STAT4: variants seen among roughly 807,000 people sequenced by gnomAD.
STAT4 encodes the protein signal transducer and activator of transcription 4.
Under a neutral mutation model 110.5 loss-of-function variants are expected in STAT4, and 42 were observed. That is an observed-to-expected ratio of 0.38 (90% CI 0.30 to 0.49). The LOEUF (loss-of-function observed/expected upper bound fraction) is 0.49, where lower values mean the gene tolerates loss of function less well. Ranked by LOEUF, STAT4 falls within the 20% of genes least tolerant of loss-of-function variation. The pLI, the probability that STAT4 is intolerant of heterozygous loss-of-function variation, is 0.95. For synonymous variants in STAT4, 284 were observed against 302.2 expected, an observed-to-expected ratio of 0.94 and a Z score of 0.63; for missense variants, 632 against 887.9, an observed-to-expected ratio of 0.71 and a Z score of 3.66.
intron 3 of STAT4, among the ~76,000 whole-genome samples, chr2:191,084,292 C>T (rs1170591251): frequency 1.3e-5 from 2 of 151,652 alleles, no homozygotes; most frequent in South Asian, 4.2e-4. Context: ...TTTTTTCTGA[C>T]ACTTGCTTAA....
intron 3 of STAT4, among the ~76,000 whole-genome samples, chr2:191,129,068 T>G (rs775960560): frequency 2.0e-5 from 3 of 152,172 alleles, no homozygotes; most frequent in Non-Finnish European, 4.4e-5. Context: ...GCTTAAAATG[T>G]GATTGATAAC....
chr2:191,149,010 C>T (rs1223327314), intron 1 of STAT4, among the ~76,000 whole-genome samples: 1 of 152,184 alleles, frequency 6.6e-6, no homozygotes, highest in Non-Finnish European at 1.5e-5. Context: ...GCATTTCCCC[C>T]TTGTAACCCC....
intron 14 of STAT4, among the ~76,000 whole-genome samples, chr2:191,044,783 TG>T (rs1696302663): frequency 6.6e-6 from 1 of 152,316 alleles, no homozygotes; most frequent in South Asian, 2.1e-4. Context: ...AACTCATAGA[TG>T]GACATGTTTG....
At chr2:191,079,865 T>G (rs1330026020) in intron 3 of STAT4, among the ~76,000 whole-genome samples, 1 of 152,142 alleles carries the variant, frequency 6.6e-6, no homozygotes, top group Non-Finnish European at 1.5e-5. Flanking sequence ...ATTAATATCT[T>G]GTAAATGTTT....
rs770183893 is a variant in STAT4, at chr2:191,033,883, C to G, written c.1715+28G>C. 11 of 1,523,014 alleles carry G rather than the reference C, an allele frequency of 7.2e-6. No individual in the cohort carries two copies. The African/African-American group carries it at 1.5e-4, about 21-fold the overall frequency. 94.3% of individuals were successfully genotyped at this position (1,523,014 alleles called of 1,614,324 possible). A position where few individuals can be genotyped will look rare whatever the true frequency, so the allele number is the denominator to read the frequency against. On this transcript the variant is annotated intron_variant, in intron 19 of 23. Coordinates refer to ENST00000392320, the MANE Select transcript of STAT4 (RefSeq NM_003151.4). This position sits in a 1 kb window ranked among gnomAD's most constrained non-coding sequence, Gnocchi z 6.9. Reference sequence around the variant, plus strand: ...ACAGAAAAAAAGAACATAATTAACTCATATGAAAAATATAGCCTATAACTT... The same window carrying G: ...ACAGAAAAAAAGAACATAATTAACTGATATGAAAAATATAGCCTATAACTT...
At position 191,110,062 on chromosome 2, in the gene STAT4, C is replaced by T. The variant is rs1698384442; in HGVS notation, c.274-33737G>A. Among the ~76,000 whole-genome samples the T allele has an allele frequency of 6.6e-6, 1 of 152,152 alleles. No individual in the cohort carries two copies. On this transcript the variant is annotated intron_variant, in intron 3 of 23. Coordinates refer to ENST00000392320, the MANE Select transcript of STAT4 (RefSeq NM_003151.4). The surrounding 1 kb of genome is among the most constrained non-coding windows in gnomAD (Gnocchi z 4.5). ...GAGTTGTCACCTCCCACCTAGGATCCAACCACTGCACCTTCCACAGGGCCC... is the reference window on the plus strand; with the variant it reads ...GAGTTGTCACCTCCCACCTAGGATCTAACCACTGCACCTTCCACAGGGCCC...
At chr2:191,098,452 T>C (rs1698067104) in intron 3 of STAT4, among the ~76,000 whole-genome samples, 1 of 152,230 alleles carries the variant, frequency 6.6e-6, no homozygotes, top group Admixed American at 6.5e-5. Context: ...GATGAGTTCA[T>C]GTCCTTTGCA....
At position 191,090,273 on chromosome 2, in the gene STAT4, T is replaced by A. The variant is rs1003740654; in HGVS notation, c.274-13948A>T. ...TCTGAAATTGTCTTACTAAAAAGTTTCAGTTCTCATATGCCCTCCTTATGC... is the reference window on the plus strand; with the variant it reads ...TCTGAAATTGTCTTACTAAAAAGTTACAGTTCTCATATGCCCTCCTTATGC... On this transcript the variant is annotated intron_variant, in intron 3 of 23. Coordinates refer to ENST00000392320, the MANE Select transcript of STAT4 (RefSeq NM_003151.4). The surrounding 1 kb of genome is among the most constrained non-coding windows in gnomAD (Gnocchi z 4.2). Among the ~76,000 whole-genome samples the A allele has an allele frequency of 6.6e-6, 1 of 152,114 alleles. No homozygotes were observed. Among genetic ancestry groups the A allele is most frequent in the Non-Finnish European group, 1.5e-5 (1 of 68,028 alleles).
intron 3 of STAT4, among the ~76,000 whole-genome samples, chr2:191,105,646 T>C (rs1411039968): frequency 1.2e-4 from 19 of 152,182 alleles, no homozygotes; most frequent in Admixed American, 1.2e-3. Flanking sequence ...TTGGTAACAT[T>C]TTAATATATT....
chr2:191,042,860 A>G lies in STAT4; in HGVS notation c.1252-1712T>C, dbSNP rs1487024875. ...AGTGGCACAATCTCGGCTCACTGCA[A>G]CCTCCGCCTCCTGGGTCCAAGTGAT... On this transcript the variant is annotated intron_variant, in intron 14 of 23. Transcript: ENST00000392320. This position sits in a 1 kb window ranked among gnomAD's most constrained non-coding sequence, Gnocchi z 4.2. Among the ~76,000 whole-genome samples the G allele has an allele frequency of 2.0e-5, 3 of 151,776 alleles. No homozygotes were observed. Among genetic ancestry groups the G allele is most frequent in the Non-Finnish European group, 4.4e-5 (3 of 67,960 alleles).
At chr2:191,049,351 AT>A (rs1309367297) in intron 14 of STAT4, among the ~76,000 whole-genome samples, 30 of 151,456 alleles carry the variant, frequency 2.0e-4, no homozygotes, top group Admixed American at 5.9e-4. Flanking sequence ...AATTTTTTGT[AT>A]TTTTTAGTAG....
chr2:191,071,193 T>C (rs888140002), intron 5 of STAT4, among the ~76,000 whole-genome samples: 2 of 152,182 alleles, frequency 1.3e-5, no homozygotes, highest in Non-Finnish European at 2.9e-5. Context: ...TTTCCATTTT[T>C]CATGTGAGGA....
Position 191,083,173 on chromosome 2 carries a change from T to A in STAT4, c.274-6848A>T, listed in dbSNP as rs1473836805. ...CTTGAGACAAGGATTCCAGTGCAAG[T>A]CGTTTAAGTGGGAGTTGGTCCCACA... On this transcript the variant is annotated intron_variant, in intron 3 of 23. Transcript: ENST00000392320. The surrounding 1 kb of genome is among the most constrained non-coding windows in gnomAD (Gnocchi z 4.6). Among the ~76,000 whole-genome samples the A allele has an allele frequency of 6.6e-6, 1 of 152,170 alleles. No homozygotes were observed. The highest frequency in any genetic ancestry group is 6.6e-5 in the Admixed American group (1 of 15,260).
rs1282801873 is a variant in STAT4, at chr2:191,064,895, T to C, written c.694A>G (p.Ile232Val). ...ETDLLMNTML[I>V]EELQDWKRRQ... The stretch of plus-strand genomic sequence containing the variant: ...CGCTTCCAGTCTTGCAGCTCTTCTA[T>C]GAGCATGGTGTTCATTAACAGGTCT... The change falls in exon 8 of 24, where the codon ATA becomes GTA. Residue 232 changes from isoleucine to valine, a missense_variant. Transcript: ENST00000392320. 2 of 1,613,336 alleles carry C rather than the reference T, an allele frequency of 1.2e-6. No individual in the cohort carries two copies. Among genetic ancestry groups the C allele is most frequent in the Non-Finnish European group, 1.7e-6 (2 of 1,179,578 alleles).
In STAT4 at chr2:191,090,141, G is replaced by C. The variant is rs893855603; in HGVS notation, c.274-13816C>G. On this transcript the variant is annotated intron_variant, in intron 3 of 23. Coordinates refer to ENST00000392320, the MANE Select transcript of STAT4 (RefSeq NM_003151.4). This position sits in a 1 kb window ranked among gnomAD's most constrained non-coding sequence, Gnocchi z 4.2. ...TAAGATATAGGAGAAACTGGTGAGGGGTGTGAGAAGGAGACTAAGGGAGTA... is the reference window on the plus strand; with the variant it reads ...TAAGATATAGGAGAAACTGGTGAGGCGTGTGAGAAGGAGACTAAGGGAGTA... Among the ~76,000 whole-genome samples the C allele has an allele frequency of 6.6e-6, 1 of 151,988 alleles. No homozygotes were observed. The highest frequency in any genetic ancestry group is 6.6e-5 in the Admixed American group (1 of 15,258).
intron 4 of STAT4, among the ~76,000 whole-genome samples, chr2:191,073,743 A>G (rs974544065): frequency 5.9e-5 from 9 of 152,252 alleles, no homozygotes; most frequent in African/African-American, 1.7e-4. Flanking sequence ...ACATATATAT[A>G]TGATCTCTAT....
rs561313744 is a variant in STAT4, at chr2:191,142,015, T to C, written c.273+4598A>G. Among the ~76,000 whole-genome samples the C allele has an allele frequency of 1.3e-5, 2 of 152,174 alleles. No individual in the cohort carries two copies. Among genetic ancestry groups the C allele is most frequent in the Non-Finnish European group, 2.9e-5 (2 of 68,010 alleles). ...TAAATTAATACAACCAGTATGGAAA[T>C]GTCTCAAAAAACTAAAAATATAACT... On this transcript the variant is annotated intron_variant, in intron 3 of 23. Coordinates refer to ENST00000392320, the MANE Select transcript of STAT4 (RefSeq NM_003151.4). The surrounding 1 kb of genome is among the most constrained non-coding windows in gnomAD (Gnocchi z 4.1).
Position 191,031,105 on chromosome 2 carries a change from T to A in STAT4, c.2112-25A>T. 1 of 1,605,254 alleles carries A rather than the reference T, an allele frequency of 6.2e-7. No homozygotes were observed. On this transcript the variant is annotated intron_variant, in intron 22 of 23. Coordinates refer to ENST00000392320, the MANE Select transcript of STAT4 (RefSeq NM_003151.4). This position sits in a 1 kb window ranked among gnomAD's most constrained non-coding sequence, Gnocchi z 4.8. ...GCTTAAAGAGATAACAAGGTCAATA[T>A]GGACAAGGATTAAAAAATAATAATA...
rs909816919 is a variant in STAT4, at chr2:191,086,557, A to T, written c.274-10232T>A. 6.6e-6 allele frequency among the ~76,000 whole-genome samples: 1 copy of T among 152,180 alleles called. No individual in the cohort carries two copies. Among genetic ancestry groups the T allele is most frequent in the Non-Finnish European group, 1.5e-5 (1 of 68,024 alleles). On this transcript the variant is annotated intron_variant, in intron 3 of 23. Transcript: ENST00000392320. The surrounding 1 kb of genome is among the most constrained non-coding windows in gnomAD (Gnocchi z 5.5). ...GTGCAAATAAATTACTCCTGCTATGATGTTGTCTTTAGTAAAATTGGGGGA... is the reference window on the plus strand; with the variant it reads ...GTGCAAATAAATTACTCCTGCTATGTTGTTGTCTTTAGTAAAATTGGGGGA...
Sources: allele counts gnomAD v4.1 joint callset (sites outside exome capture counted in the v4.1 genomes callset), GRCh38; gene constraint gnomAD v4.1.1; non-coding constraint Gnocchi (gnomAD v3.1); transcripts MANE v1.5; gene names NCBI Gene and HGNC (gene_info 2026-07-23, HGNC 2026-07-21).